The following POU6F2 variants were observed in gnomAD, a reference collection of about 807,000 sequenced individuals.
POU6F2 encodes POU class 6 homeobox 2.
Under a neutral mutation model 71.3 loss-of-function variants are expected in POU6F2, and 31 were observed. That is an observed-to-expected ratio of 0.43 (90% CI 0.33 to 0.59). The LOEUF (loss-of-function observed/expected upper bound fraction) is 0.59, where lower values mean the gene tolerates loss of function less well. Among genes scored for constraint, POU6F2 ranks in the 20% least tolerant of loss-of-function variants. POU6F2 has a pLI of 0.04. For missense variants in POU6F2, 783 were observed against 856.8 expected (o/e 0.91, Z 1.07); for synonymous variants, 347 against 355.7 (o/e 0.98, Z 0.27).
chr7:39,426,198 G>A (rs564146327), intron 6 of POU6F2, among the ~76,000 whole-genome samples: 23 of 152,290 alleles, frequency 1.5e-4, no homozygotes, highest in Admixed American at 2.6e-4. Context: ...AGAGACCAGC[G>A]GATAAGAATA....
chr7:39,218,633 C>T (rs1240282905), intron 4 of POU6F2, among the ~76,000 whole-genome samples: 1 of 152,100 alleles, frequency 6.6e-6, no homozygotes, highest in Non-Finnish European at 1.5e-5. Flanking sequence ...CTATAGTAGG[C>T]ACTCCAATCT....
chr7:39,357,450 G>A (rs533282900), intron 5 of POU6F2, among the ~76,000 whole-genome samples: 177 of 152,286 alleles, frequency 1.2e-3, no homozygotes, highest in African/African-American at 3.8e-3. Context: ...GTTTGTAAGA[G>A]GTGGAGCTGG....
intron 4 of POU6F2, among the ~76,000 whole-genome samples, chr7:39,262,312 G>T (rs1784151278): frequency 6.6e-6 from 1 of 152,294 alleles, no homozygotes; most frequent in East Asian, 1.9e-4. Flanking sequence ...ATGAATGGTG[G>T]ATCTGAACGG....
chr7:39,068,975 C>T (rs923981023), intron 1 of POU6F2, among the ~76,000 whole-genome samples: 2 of 152,128 alleles, frequency 1.3e-5, no homozygotes, highest in Non-Finnish European at 2.9e-5. Context: ...CCCTGACTCC[C>T]CTGGGGTTCT....
chr7:39,131,845 TTTTTTTATG>T (rs927357206), intron 2 of POU6F2, among the ~76,000 whole-genome samples: 2 of 152,000 alleles, frequency 1.3e-5, no homozygotes, highest in African/African-American at 4.8e-5. Flanking sequence ...TTTTATATTT[TTTTTTTATG>T]TTTTTAAATT....
At chr7:39,442,304 T>G (rs1423110707) in intron 7 of POU6F2, among the ~76,000 whole-genome samples, 1 of 152,134 alleles carries the variant, frequency 6.6e-6, no homozygotes, top group Non-Finnish European at 1.5e-5. Context: ...TACAAATATG[T>G]CACTAAGACA....
intron 4 of POU6F2, among the ~76,000 whole-genome samples, chr7:39,250,084 T>C (rs1783887852): frequency 6.6e-6 from 1 of 152,148 alleles, no homozygotes; most frequent in Non-Finnish European, 1.5e-5. Flanking sequence ...GAAACAAATA[T>C]CAGCTCCATC....
At chr7:39,342,465 C>A (rs1391391947) in intron 5 of POU6F2, among the ~76,000 whole-genome samples, 1 of 152,094 alleles carries the variant, frequency 6.6e-6, no homozygotes, top group Non-Finnish European at 1.5e-5. Context: ...TGTATGATAG[C>A]CTAAATTTTA....
chr7:39,284,638 T>C (rs1344725320), intron 4 of POU6F2, among the ~76,000 whole-genome samples: 1 of 152,232 alleles, frequency 6.6e-6, no homozygotes, highest in Non-Finnish European at 1.5e-5. Context: ...CACTATATCC[T>C]TTGGAGAAAT....
chr7:39,420,092 A>T (rs184037474), intron 6 of POU6F2, among the ~76,000 whole-genome samples: 1 of 152,344 alleles, frequency 6.6e-6, no homozygotes, highest in African/African-American at 2.4e-5. Flanking sequence ...TAATGTCAGC[A>T]AACTATCCTA....
At chr7:39,203,728 T>G (rs1397226505) in intron 2 of POU6F2, among the ~76,000 whole-genome samples, 2 of 152,136 alleles carry the variant, frequency 1.3e-5, no homozygotes, top group Non-Finnish European at 2.9e-5. Context: ...TTTAGAACAT[T>G]TTATAAGGTG....
chr7:39,052,583 C>T (rs1790420673), intron 1 of POU6F2, among the ~76,000 whole-genome samples: 2 of 152,110 alleles, frequency 1.3e-5, no homozygotes, highest in Admixed American at 6.6e-5. Flanking sequence ...TTACCTTCAC[C>T]TGGTCCCACC....
intron 1 of POU6F2, among the ~76,000 whole-genome samples, chr7:39,030,075 T>G (rs903243159): frequency 6.6e-6 from 1 of 152,098 alleles, no homozygotes; most frequent in African/African-American, 2.4e-5. Context: ...CTTTATTCTT[T>G]AAAAGGCTTT....
At chr7:39,336,371 T>G (rs1785778072) in intron 4 of POU6F2, among the ~76,000 whole-genome samples, 1 of 152,142 alleles carries the variant, frequency 6.6e-6, no homozygotes, top group South Asian at 2.1e-4. Flanking sequence ...GACTCACTTA[T>G]TCTGGACATT....
chr7:39,357,097 G>A (rs1364047059), intron 5 of POU6F2, among the ~76,000 whole-genome samples: 1 of 152,092 alleles, frequency 6.6e-6, no homozygotes, highest in African/African-American at 2.4e-5. Flanking sequence ...GTTACCCAAA[G>A]CATAAACATA....
At chr7:39,312,180 T>C (rs1317371809) in intron 4 of POU6F2, among the ~76,000 whole-genome samples, 7 of 62,430 alleles carry the variant, frequency 1.1e-4, no homozygotes, top group Admixed American at 4.6e-4. Flanking sequence ...GACGATGTAG[T>C]AGAAAAAAGA....
intron 5 of POU6F2, among the ~76,000 whole-genome samples, chr7:39,345,864 A>G (rs538734439): frequency 3.3e-5 from 5 of 152,356 alleles, no homozygotes; most frequent in African/African-American, 1.2e-4. Flanking sequence ...TAAATTTGTT[A>G]AGCAAATGTT....
intron 5 of POU6F2, among the ~76,000 whole-genome samples, chr7:39,371,580 T>A (rs552357735): frequency 6.6e-6 from 1 of 152,278 alleles, no homozygotes; most frequent in African/African-American, 2.4e-5. Context: ...TAACAGTCAC[T>A]GGCTATTGAT....
chr7:39,380,693 A>G (rs1786810272), intron 5 of POU6F2, among the ~76,000 whole-genome samples: 2 of 152,350 alleles, frequency 1.3e-5, no homozygotes, highest in South Asian at 4.1e-4. Flanking sequence ...TATGATAAAT[A>G]TCTGTACGGA....
Sources: gnomAD v4.1 joint callset for allele counts (sites outside exome capture counted in the v4.1 genomes callset) on GRCh38, gnomAD v4.1.1 for gene constraint, MANE v1.5 for transcripts, NCBI Gene and HGNC (gene_info 2026-07-23, HGNC 2026-07-21) for gene names.